SLAIN2: variants seen among roughly 807,000 people sequenced by gnomAD.
The protein encoded by SLAIN2 is SLAIN motif-containing protein 2.
SLAIN2 carries 31 observed loss-of-function variants against 56.6 expected under a neutral mutation model. The ratio of observed to expected loss-of-function variants is 0.55; its 90% CI spans 0.41 to 0.74. The LOEUF is 0.74. Among genes scored for constraint, SLAIN2 ranks in the 30% least tolerant of loss-of-function variants. The pLI, the probability that SLAIN2 is intolerant of heterozygous loss-of-function variation, is 0.00. For synonymous variants in SLAIN2, 317 were observed against 284.9 expected, an observed-to-expected ratio of 1.11 and a Z score of -1.13; for missense variants, 777 against 754.2, an observed-to-expected ratio of 1.03 and a Z score of -0.35.
intron 2 of SLAIN2, among the ~76,000 whole-genome samples, chr4:48,376,021 C>A (rs1396764633): frequency 6.6e-6 from 1 of 152,198 alleles, no homozygotes; most frequent in Non-Finnish European, 1.5e-5. Context: ...TTTTGCCTTG[C>A]AATGTTTGTT....
At position 48,393,312 on chromosome 4, in the gene SLAIN2, CTCCTGGGCT is replaced by C. The variant is rs1212190282; in HGVS notation, c.1360+9529_1360+9537del. ...AGTCACAGCTCACTGCAGCCATAAC[CTCCTGGGCT>C]CAAGCACTCCTCCCACCTCAGCCTC... On this transcript the variant is annotated intron_variant, in intron 6 of 7. Coordinates refer to ENST00000264313, the MANE Select transcript of SLAIN2 (RefSeq NM_020846.2). Among the ~76,000 whole-genome samples the C allele has an allele frequency of 3.3e-5, 5 of 152,086 alleles. No individual in the cohort carries two copies. In the East Asian group the frequency reaches 9.6e-4, roughly 29 times the overall value.
intron 6 of SLAIN2, among the ~76,000 whole-genome samples, chr4:48,389,757 G>A (rs1203579959): frequency 6.6e-6 from 1 of 152,210 alleles, no homozygotes; most frequent in African/African-American, 2.4e-5. Context: ...AAAGTGTAGG[G>A]TGTATGATGG....
rs571424541 is a variant in SLAIN2, at chr4:48,422,289, C to T, written c.*212C>T. On this transcript the variant is annotated 3_prime_UTR_variant, in exon 8 of 8. Transcript: ENST00000264313. ...GATGTGTTTGGTAATCATACAATCA[C>T]TCTCCATAGAATCACTTTTAGTTTT... The T allele has an allele frequency of 2.1e-6, 1 of 480,530 alleles. No homozygotes were observed. The highest frequency in any genetic ancestry group is 2.0e-5 in the African/African-American group (1 of 51,204). 29.8% of individuals were successfully genotyped at this position (480,530 alleles called of 1,614,324 possible).
At chr4:48,344,123 C>G (rs1294198128) in intron 1 of SLAIN2, among the ~76,000 whole-genome samples, 1 of 152,120 alleles carries the variant, frequency 6.6e-6, no homozygotes, top group East Asian at 1.9e-4. Context: ...AAATACTGTT[C>G]CAGGAGTTTC....
At chr4:48,402,014 C>T (rs969778971) in intron 6 of SLAIN2, among the ~76,000 whole-genome samples, 7 of 152,084 alleles carry the variant, frequency 4.6e-5, no homozygotes, top group African/African-American at 1.7e-4. Flanking sequence ...TCTTATTTCT[C>T]CTTCACTTAT....
rs576670841 is a variant in SLAIN2, at chr4:48,411,080, G to A, written c.1361-9045G>A. ...TGTGTTTCGTTGGTGTTTTTTCGTC[G>A]TTGTTGTTTTAACTAGTGAGTGTGT... is the stretch of plus-strand genomic sequence containing the variant. On this transcript the variant is annotated intron_variant, in intron 6 of 7. Coordinates refer to ENST00000264313, the MANE Select transcript of SLAIN2 (RefSeq NM_020846.2). Among the ~76,000 whole-genome samples, 4 of 151,978 alleles carry A rather than the reference G, an allele frequency of 2.6e-5. No homozygotes were observed. The South Asian group carries it at 6.2e-4, about 24-fold the overall frequency.
Position 48,341,568 on chromosome 4 carries a change from C to G in SLAIN2, c.-172C>G. On this transcript the variant is annotated 5_prime_UTR_variant, in exon 1 of 8. Coordinates refer to ENST00000264313, the MANE Select transcript of SLAIN2 (RefSeq NM_020846.2). ...CGCAGATGAGGCAGTTCGGCTGGGG[C>G]CAGCGGCGCTTTGGAACCCGAGGTG... 9.6e-7 allele frequency: 1 copy of G among 1,040,128 alleles called. No homozygotes were observed. The highest frequency in any genetic ancestry group is 1.3e-6 in the Non-Finnish European group (1 of 769,398). The allele number at this position is 1,040,128 out of a possible 1,614,324, so 64.4% of individuals were successfully genotyped here. A position where few individuals can be genotyped will look rare whatever the true frequency, so the allele number is the denominator to read the frequency against.
intron 6 of SLAIN2, among the ~76,000 whole-genome samples, chr4:48,402,603 A>G (rs895505278): frequency 6.6e-6 from 1 of 152,196 alleles, no homozygotes; most frequent in East Asian, 1.9e-4. Context: ...TTTCAGCTCC[A>G]TCAGGTCAGT....
intron 6 of SLAIN2, among the ~76,000 whole-genome samples, chr4:48,409,436 C>T (rs1716787699): frequency 6.6e-6 from 1 of 152,212 alleles, no homozygotes; most frequent in South Asian, 2.1e-4. Context: ...CCTAATGATT[C>T]ATTTCTCAGA....
At chr4:48,375,838 A>G (rs1164740209) in intron 2 of SLAIN2, among the ~76,000 whole-genome samples, 1 of 152,188 alleles carries the variant, frequency 6.6e-6, no homozygotes, top group Non-Finnish European at 1.5e-5. Flanking sequence ...TCTTATAAAT[A>G]CTGAGTAAAG....
chr4:48,390,705 G>A (rs1560460312), intron 6 of SLAIN2, among the ~76,000 whole-genome samples: 1 of 151,972 alleles, frequency 6.6e-6, no homozygotes, highest in Non-Finnish European at 1.5e-5. Context: ...TTTTAAAAAG[G>A]AAAAATGTTT....
chr4:48,343,434 A>C (rs143032819), intron 1 of SLAIN2, among the ~76,000 whole-genome samples: 5 of 152,176 alleles, frequency 3.3e-5, no homozygotes, highest in Non-Finnish European at 7.4e-5. Flanking sequence ...CAGTTCTTAT[A>C]TGATGTTGTA....
Position 48,377,966 on chromosome 4 carries a change from T to A in SLAIN2, c.609T>A (p.Asn203Lys), listed in dbSNP as rs1489321246. 1 of 1,613,958 alleles carries A rather than the reference T, an allele frequency of 6.2e-7. No homozygotes were observed. The highest frequency in any genetic ancestry group is 1.7e-5 in the Admixed American group (1 of 60,030). Residue 203 changes from asparagine to lysine, a missense_variant, in exon 3 of 8, where the codon AAT becomes AAA. Physicochemically the swap from Asn to Lys is moderately conservative, Grantham distance 94 (BLOSUM62 0). Transcript: ENST00000264313. ...GTTACACCAGTCCTTACAGTCCAAA[T>A]GCCAGTAGCCCATACAGCAGTGGCT... ...SMSYTSPYSP[N>K]ASSPYSSGFN...
intron 6 of SLAIN2, among the ~76,000 whole-genome samples, chr4:48,400,746 A>T (rs78940330): frequency 0.028 from 4,272 of 150,994 alleles, 67 homozygotes; most frequent in Admixed American, 0.046. Context: ...TTTATTAATT[A>T]AAAAAAAAGC....
At chr4:48,410,279 GTT>G (rs767661540) in intron 6 of SLAIN2, among the ~76,000 whole-genome samples, 4 of 136,212 alleles carry the variant, frequency 2.9e-5, no homozygotes, top group Admixed American at 7.3e-5. Flanking sequence ...TGTTTTTTTA[GTT>G]TTTTTTTTTT....
At chr4:48,342,200 C>A in intron 1 of SLAIN2, 72 bp downstream of exon 1, 1 of 1,324,678 alleles carries the variant, frequency 7.5e-7, no homozygotes, top group Non-Finnish European at 9.6e-7. Flanking sequence ...CTGAGGGTCC[C>A]TCTGGTCGGG....
intron 6 of SLAIN2, among the ~76,000 whole-genome samples, chr4:48,410,965 TTCC>T (rs761145182): frequency 2.2e-4 from 34 of 152,146 alleles, no homozygotes; most frequent in Non-Finnish European, 2.1e-4. Flanking sequence ...GCTCCTCCTC[TTCC>T]TCCTCCTCTT....
At chr4:48,372,926 T>TC (rs1715707443) in intron 2 of SLAIN2, among the ~76,000 whole-genome samples, 1 of 152,138 alleles carries the variant, frequency 6.6e-6, no homozygotes. Context: ...AGGCAGAGCT[T>TC]CCTAGGAACT....
chr4:48,400,403 T>C (rs1716517724), intron 6 of SLAIN2, among the ~76,000 whole-genome samples: 1 of 134,752 alleles, frequency 7.4e-6, no homozygotes, highest in Non-Finnish European at 1.6e-5. Context: ...TTTTTTTTTT[T>C]TTTTTTTTTT....
Sources: gnomAD v4.1 joint callset for allele counts (sites outside exome capture counted in the v4.1 genomes callset) on GRCh38, gnomAD v4.1.1 for gene constraint, MANE v1.5 for transcripts, NCBI Gene and HGNC (gene_info 2026-07-23, HGNC 2026-07-21) for gene names.